Variants in FARP1 observed in about 807,000 individuals in gnomAD.
FARP1 encodes the protein FERM, ARHGEF and pleckstrin domain-containing protein 1.
FARP1 carries 52 observed loss-of-function variants against 128.8 expected under a neutral mutation model. That is an observed-to-expected ratio of 0.40 (90% confidence interval 0.32 to 0.51). The LOEUF (loss-of-function observed/expected upper bound fraction) is 0.51. Among genes scored for constraint, FARP1 ranks in the 20% least tolerant of loss-of-function variants. The probability of loss-of-function intolerance (pLI) is 0.45; values close to 1 mark genes in which losing one functional copy is unlikely to be tolerated. For missense variants in FARP1, 1,333 were observed against 1,367.9 expected (o/e 0.97, Z 0.40); for synonymous variants, 580 against 551.8 (o/e 1.05, Z -0.72).
At chr13:98,248,762 C>T (rs1756819136) in intron 2 of FARP1, among the ~76,000 whole-genome samples, 1 of 151,912 alleles carries the variant, frequency 6.6e-6, no homozygotes, top group African/African-American at 2.4e-5. Context: ...GCGCTGGAAA[C>T]AGGTGCCTTT....
chr13:98,166,878 C>T (rs1877304566), intron 1 of FARP1, among the ~76,000 whole-genome samples: 2 of 152,032 alleles, frequency 1.3e-5, no homozygotes, highest in Non-Finnish European at 2.9e-5. Flanking sequence ...CGTGCACTAC[C>T]ACACCTGACT....
At chr13:98,416,282 G>C (rs7989188) in intron 16 of FARP1, among the ~76,000 whole-genome samples, 57,485 of 152,048 alleles carry the variant, frequency 0.38, 11,539 homozygotes, top group African/African-American at 0.51. Flanking sequence ...ATAATATGCA[G>C]CAAAAGTTCC....
chr13:98,420,148 T>G (rs1891539480), intron 16 of FARP1, among the ~76,000 whole-genome samples: 1 of 152,166 alleles, frequency 6.6e-6, no homozygotes, highest in South Asian at 2.1e-4. Flanking sequence ...ACTGTTTATC[T>G]GATGTTCTAA....
chr13:98,228,186 C>A (rs1952453641), intron 2 of FARP1, among the ~76,000 whole-genome samples: 1 of 152,140 alleles, frequency 6.6e-6, no homozygotes, highest in African/African-American at 2.4e-5. Context: ...TGGTGAAACC[C>A]TGTCTCTACT....
intron 2 of FARP1, among the ~76,000 whole-genome samples, chr13:98,276,896 A>AG (rs1884679409): frequency 2.6e-5 from 4 of 151,924 alleles, no homozygotes; most frequent in Admixed American, 2.0e-4. Context: ...GGAAGGTAAA[A>AG]AGGGGAAGAC....
At chr13:98,444,366 G>A (rs1462106300) in intron 24 of FARP1, among the ~76,000 whole-genome samples, 1 of 152,084 alleles carries the variant, frequency 6.6e-6, no homozygotes, top group Non-Finnish European at 1.5e-5. Flanking sequence ...TGAGGGAATG[G>A]GATCCAAGAA....
intron 2 of FARP1, among the ~76,000 whole-genome samples, chr13:98,282,093 T>C (rs1468948561): frequency 6.6e-6 from 1 of 151,888 alleles, no homozygotes; most frequent in African/African-American, 2.4e-5. Flanking sequence ...TCACTTGAGC[T>C]CAGCAGTTCC....
In FARP1 at chr13:98,386,113, T is replaced by G. The variant is rs1416984378; in HGVS notation, c.759+299T>G. 3 of 247,446 alleles carry G rather than the reference T, an allele frequency of 1.2e-5. No homozygotes were observed. The East Asian group carries it at 2.5e-4, about 21-fold the overall frequency. 15.3% of individuals were successfully genotyped at this position (247,446 alleles called of 1,614,324 possible). A position where few individuals can be genotyped will look rare whatever the true frequency, so the allele number is the denominator to read the frequency against. On this transcript the variant is annotated intron_variant, in intron 8 of 26. Coordinates refer to ENST00000319562, the MANE Select transcript of FARP1 (RefSeq NM_005766.4). ...GACCTACACTTAGAACACAGTCTAATGGAATCGAGATTTTAGGTCCCCGAA... is the reference window on the plus strand; with the variant it reads ...GACCTACACTTAGAACACAGTCTAAGGGAATCGAGATTTTAGGTCCCCGAA...
intron 2 of FARP1, among the ~76,000 whole-genome samples, chr13:98,342,563 G>T (rs1888015110): frequency 6.6e-6 from 1 of 151,728 alleles, no homozygotes; most frequent in Non-Finnish European, 1.5e-5. Flanking sequence ...AGCGGGGCAT[G>T]GTGGCAGGTG....
At position 98,146,343 on chromosome 13, in the gene FARP1, C is replaced by T. The variant is rs527893043; in HGVS notation, c.-24+2851C>T. Among the ~76,000 whole-genome samples, 3 of 152,306 alleles carry T rather than the reference C, an allele frequency of 2.0e-5. No homozygotes were observed. In the East Asian group the frequency reaches 5.8e-4, roughly 29 times the overall value. On this transcript the variant is annotated intron_variant, in intron 1 of 26. Transcript: ENST00000319562. Reference sequence around the variant, plus strand: ...TCCCAGGTTCAAGCGATTCTCCTGCCTCAGCCTCCCCAGTAGCTGGGATTA... The same window carrying T: ...TCCCAGGTTCAAGCGATTCTCCTGCTTCAGCCTCCCCAGTAGCTGGGATTA...
chr13:98,391,646 C>G (rs1232442751), intron 11 of FARP1, among the ~76,000 whole-genome samples: 2 of 152,228 alleles, frequency 1.3e-5, no homozygotes, highest in African/African-American at 2.4e-5. Flanking sequence ...CCAGGCTGTT[C>G]CGAGCACTGG....
chr13:98,309,182 TTG>T (rs1886333166), intron 2 of FARP1, among the ~76,000 whole-genome samples: 1 of 61,158 alleles, frequency 1.6e-5, no homozygotes, highest in African/African-American at 6.7e-5. Flanking sequence ...TTTTTTTTTT[TTG>T]GAGACGGAGT....
chr13:98,164,408 T>G (rs1015629192), intron 1 of FARP1, among the ~76,000 whole-genome samples: 7 of 152,220 alleles, frequency 4.6e-5, no homozygotes, highest in African/African-American at 1.4e-4. Context: ...TAGTTCTAGT[T>G]TGAAAGAGTC....
intron 3 of FARP1, among the ~76,000 whole-genome samples, chr13:98,357,035 A>G (rs1396623006): frequency 6.6e-6 from 1 of 152,152 alleles, no homozygotes. Flanking sequence ...ATTATTTTTT[A>G]GTATGGTGTA....
chr13:98,262,040 G>C (rs1457243917), intron 2 of FARP1, among the ~76,000 whole-genome samples: 1 of 133,686 alleles, frequency 7.5e-6, no homozygotes, highest in East Asian at 2.3e-4. Context: ...TTTTGAGATG[G>C]AGTCTTACTC....
chr13:98,180,178 C>CAT (rs1285859004), intron 1 of FARP1, among the ~76,000 whole-genome samples: 3 of 152,076 alleles, frequency 2.0e-5, no homozygotes, highest in African/African-American at 7.2e-5. Flanking sequence ...AGCAGCATGG[C>CAT]GTTGGTATCT....
chr13:98,159,894 A>G (rs1383399372), intron 1 of FARP1, among the ~76,000 whole-genome samples: 1 of 152,178 alleles, frequency 6.6e-6, no homozygotes, highest in Non-Finnish European at 1.5e-5. Context: ...CCAAGTAATG[A>G]GCAGTTGTGA....
rs9300470 is a variant in FARP1, at chr13:98,256,949, A to T, written c.171+43536A>T. 3.0e-3 allele frequency among the ~76,000 whole-genome samples: 64 copies of T among 21,680 alleles called. 2 individuals are homozygous for T. The highest frequency in any genetic ancestry group is 5.2e-3 in the Admixed American group (7 of 1,350). The allele number at this position is 21,680 out of a possible 152,430, so 14.2% of individuals were successfully genotyped here. ...AATAATTTTCAAAGTATATATGTGG[A>T]TATATATATATATATATATATATAT... On this transcript the variant is annotated intron_variant, in intron 2 of 26. Coordinates refer to ENST00000319562, the MANE Select transcript of FARP1 (RefSeq NM_005766.4).
chr13:98,385,913 T>C (rs1890076686), intron 8 of FARP1, 99 bp downstream of exon 8: 1 of 1,287,984 alleles, frequency 7.8e-7, no homozygotes, highest in Non-Finnish European at 1.1e-6. Context: ...AGACCTCTGA[T>C]GGTTATTTTT....
Sources: allele counts gnomAD v4.1 joint callset (sites outside exome capture counted in the v4.1 genomes callset), GRCh38; gene constraint gnomAD v4.1.1; transcripts MANE v1.5; gene names NCBI Gene and HGNC (gene_info 2026-07-23, HGNC 2026-07-21).